MCTP1: variants seen among roughly 807,000 people sequenced by gnomAD.
MCTP1 encodes multiple C2 and transmembrane domain-containing protein 1.
In MCTP1, 69 loss-of-function variants were observed where a neutral mutation model predicts 120.6. The observed-to-expected ratio is 0.57, with a 90% CI of 0.47 to 0.70. The LOEUF (loss-of-function observed/expected upper bound fraction) is 0.70, where lower values mean the gene tolerates loss of function less well. Ranked by LOEUF, MCTP1 falls within the 30% of genes least tolerant of loss-of-function variation. MCTP1 has a pLI of 0.00. For synonymous variants in MCTP1, 529 were observed against 493.1 expected (o/e 1.07, Z -0.96); for missense variants, 1,203 against 1,248.8 (o/e 0.96, Z 0.55).
rs976791891 is a variant in MCTP1 at position 94,917,884 on chromosome 5, G to T, written c.1350+12C>A. 1.9e-6 allele frequency: 3 copies of T among 1,607,846 alleles called. No individual in the cohort carries two copies. The highest frequency in any genetic ancestry group is 1.7e-5 in the Admixed American group (1 of 59,978). On this transcript the variant is annotated intron_variant, in intron 8 of 22. Transcript: ENST00000515393. ...TCAGAAAAAAATAAATGAACTGAAT[G>T]GTTGAACTTACTTGTACATTTTTGC...
chr5:95,259,620 G>A (rs1180769491), intron 1 of MCTP1, among the ~76,000 whole-genome samples: 2 of 152,134 alleles, frequency 1.3e-5, no homozygotes, highest in East Asian at 1.9e-4. Flanking sequence ...CCCTGGTGGG[G>A]GCCCTGTGGG....
intron 1 of MCTP1, among the ~76,000 whole-genome samples, chr5:95,124,383 C>T (rs934525499): frequency 3.3e-5 from 5 of 152,188 alleles, no homozygotes; most frequent in Non-Finnish European, 5.9e-5. Context: ...TGGAAAAAGG[C>T]ACTTTATAAA....
Position 94,909,298 on chromosome 5 carries a change from G to A in MCTP1, c.1605C>T (p.Ile535=). ...TCCCAGCATCTTTGTCCCATGCAGTGATATCAATGACTCCTCCTCTTTCTT... is the reference window on the plus strand; with the variant it reads ...TCCCAGCATCTTTGTCCCATGCAGTAATATCAATGACTCCTCCTCTTTCTT... ...LYEERGGVID[I]TAWDKDAGKR... is the part of the protein sequence containing the mutation. Residue 535 remains isoleucine, a synonymous_variant, in exon 10 of 23, where the codon ATC becomes ATT. Coordinates refer to ENST00000515393, the MANE Select transcript of MCTP1 (RefSeq NM_024717.7). The A allele has an allele frequency of 6.2e-7, 1 of 1,610,250 alleles. No individual in the cohort carries two copies. The highest frequency in any genetic ancestry group is 8.5e-7 in the Non-Finnish European group (1 of 1,178,386).
intron 10 of MCTP1, among the ~76,000 whole-genome samples, chr5:94,905,111 A>C (rs1400160200): frequency 6.6e-6 from 1 of 151,984 alleles, no homozygotes; most frequent in African/African-American, 2.4e-5. Flanking sequence ...GAAGATGAAG[A>C]AGCAAGGCAG....
chr5:95,025,999 T>C (rs2194949), intron 1 of MCTP1, among the ~76,000 whole-genome samples: 151,224 of 152,208 alleles, frequency 0.99, 75,132 homozygotes, highest in Middle Eastern at 1. Flanking sequence ...GGTCTTTTTA[T>C]ATAAATAAAG....
chr5:94,742,607 G>C (rs944697375), intron 19 of MCTP1, among the ~76,000 whole-genome samples: 3 of 151,968 alleles, frequency 2.0e-5, no homozygotes, highest in African/African-American at 7.2e-5. Context: ...CAACACCAAA[G>C]AAGAATGCAT....
chr5:95,148,282 A>G (rs1760595382), intron 1 of MCTP1, among the ~76,000 whole-genome samples: 1 of 149,408 alleles, frequency 6.7e-6, no homozygotes. Context: ...TTCATGAACT[A>G]CATCCTCAAG....
rs540597082 is a variant in MCTP1, at chr5:94,704,176, C to T, written c.*3320G>A. ...GCTGATTCTAGATACCCTAATCAAA[C>T]CAACGAATAGACATCATCTGTACAC... On this transcript the variant is annotated 3_prime_UTR_variant, in exon 23 of 23. Coordinates refer to ENST00000515393, the MANE Select transcript of MCTP1 (RefSeq NM_024717.7). 8.4e-5 allele frequency: 9 copies of T among 107,644 alleles called. 1 individual carries two copies. In the South Asian group the frequency reaches 2.4e-3, roughly 29 times the overall value. 6.7% of individuals were successfully genotyped at this position (107,644 alleles called of 1,614,324 possible).
chr5:95,170,518 T>G (rs1747111585), intron 1 of MCTP1, among the ~76,000 whole-genome samples: 1 of 152,176 alleles, frequency 6.6e-6, no homozygotes, highest in Admixed American at 6.6e-5. Context: ...GGTGTTAAAG[T>G]CTCCCATTAT....
intron 17 of MCTP1, among the ~76,000 whole-genome samples, chr5:94,847,644 A>ATC (rs1208952057): frequency 2.7e-5 from 3 of 110,126 alleles, no homozygotes; most frequent in Non-Finnish European, 6.0e-5. Flanking sequence ...AGAAGCAGCA[A>ATC]TCTGTGTGTG....
intron 17 of MCTP1, among the ~76,000 whole-genome samples, chr5:94,800,568 G>A (rs1781013678): frequency 6.6e-6 from 1 of 152,034 alleles, no homozygotes; most frequent in South Asian, 2.1e-4. Flanking sequence ...GGAGACCAAG[G>A]TTCTGAGTTT....
At chr5:95,271,138 T>C (rs573004020) in intron 1 of MCTP1, among the ~76,000 whole-genome samples, 1 of 152,248 alleles carries the variant, frequency 6.6e-6, no homozygotes, top group African/African-American at 2.4e-5. Context: ...AGAATAGATT[T>C]TAAAATATGA....
At chr5:95,109,335 A>G (rs554713784) in intron 1 of MCTP1, among the ~76,000 whole-genome samples, 1 of 152,354 alleles carries the variant, frequency 6.6e-6, no homozygotes, top group South Asian at 2.1e-4. Flanking sequence ...GAGACACACA[A>G]TACAATTCTA....
chr5:95,072,601 G>A (rs1028506898), intron 1 of MCTP1, among the ~76,000 whole-genome samples: 2 of 152,038 alleles, frequency 1.3e-5, no homozygotes, highest in Non-Finnish European at 2.9e-5. Context: ...CTCCAAAGAA[G>A]ATGTTTTCAT....
chr5:95,283,972 G>T lies in MCTP1; in HGVS notation c.604C>A (p.Pro202Thr). 7.0e-7 allele frequency: 1 copy of T among 1,434,676 alleles called. No individual in the cohort carries two copies. The highest frequency in any genetic ancestry group is 9.1e-7 in the Non-Finnish European group (1 of 1,098,410). 88.9% of individuals were successfully genotyped at this position (1,434,676 alleles called of 1,614,324 possible). A position where few individuals can be genotyped will look rare whatever the true frequency, so the allele number is the denominator to read the frequency against. ...AGCTGCTCCAGGCAGGCGGTGCCCG[G>T]CAGAGAGGAGCTCTTCTGGTGGCAC... ...HLCHQKSSSL[P>T]GTACLEQLLE... The change falls in exon 1 of 23, where the codon CCG (proline) becomes ACG (threonine). Residue 202 changes from proline (P) to threonine (T), a missense_variant. Physicochemically the swap from Pro to Thr is conservative, Grantham distance 38 (BLOSUM62 -1). This residue lies in a region of MCTP1 where 463 missense variants were observed against 377.8 expected (regional missense o/e 1.23). Transcript: ENST00000515393.
At chr5:94,891,187 T>C (rs1187939567) in intron 11 of MCTP1, among the ~76,000 whole-genome samples, 1 of 150,964 alleles carries the variant, frequency 6.6e-6, no homozygotes, top group African/African-American at 2.4e-5. Flanking sequence ...TAACTGTTAA[T>C]CTTTTATTGT....
intron 13 of MCTP1, among the ~76,000 whole-genome samples, chr5:94,871,692 G>A (rs527397695): frequency 6.6e-6 from 1 of 152,126 alleles, no homozygotes; most frequent in East Asian, 1.9e-4. Context: ...ATCTGAATGG[G>A]CACAGAATAA....
intron 2 of MCTP1, among the ~76,000 whole-genome samples, chr5:95,002,259 G>A (rs569020004): frequency 1.3e-5 from 2 of 152,340 alleles, no homozygotes; most frequent in Admixed American, 1.3e-4. Flanking sequence ...GTGTGGAAGG[G>A]AAATGCGGGG....
intron 6 of MCTP1, among the ~76,000 whole-genome samples, chr5:94,927,441 A>G (rs1428794266): frequency 1.3e-5 from 2 of 152,310 alleles, no homozygotes; most frequent in African/African-American, 4.8e-5. Context: ...AATACCGAGC[A>G]TGTACTTTTT....
Sources: allele counts gnomAD v4.1 joint callset (sites outside exome capture counted in the v4.1 genomes callset), GRCh38; gene constraint gnomAD v4.1.1; regional missense constraint gnomAD v4.1.1; transcripts MANE v1.5; gene names NCBI Gene and HGNC (gene_info 2026-07-23, HGNC 2026-07-21).